WWC2: variants seen among roughly 807,000 people sequenced by gnomAD.
WWC2 encodes protein WWC2.
A neutral mutation model predicts 138.5 loss-of-function variants in WWC2; 101 were observed. The observed-to-expected ratio is 0.73, with a 90% confidence interval of 0.62 to 0.86. WWC2 has a LOEUF of 0.86. Ranked by LOEUF, WWC2 falls within the 40% of genes least tolerant of loss-of-function variation. WWC2 has a pLI of 0.00. For missense variants in WWC2, 1,420 were observed against 1,419.4 expected (o/e 1.00, Z -0.01); for synonymous variants, 558 against 538.4 (o/e 1.04, Z -0.50).
At chr4:183,236,746 G>A (rs1486508094) in intron 4 of WWC2, among the ~76,000 whole-genome samples, 1 of 152,112 alleles carries the variant, frequency 6.6e-6, no homozygotes, top group Non-Finnish European at 1.5e-5. Flanking sequence ...AGGATATTCT[G>A]GGTCTTTTTT....
intron 1 of WWC2, among the ~76,000 whole-genome samples, chr4:183,131,596 G>A (rs1732925720): frequency 6.6e-6 from 1 of 151,984 alleles, no homozygotes; most frequent in Non-Finnish European, 1.5e-5. Flanking sequence ...GCAAATCTTT[G>A]TTCTATGTGC....
chr4:183,239,031 C>G (rs989122000), intron 4 of WWC2, among the ~76,000 whole-genome samples: 1 of 152,136 alleles, frequency 6.6e-6, no homozygotes, highest in Non-Finnish European at 1.5e-5. Flanking sequence ...ACTTAAGGCT[C>G]TGGCTGGGCA....
chr4:183,116,196 G>A (rs1252110338), intron 1 of WWC2, among the ~76,000 whole-genome samples: 1 of 152,096 alleles, frequency 6.6e-6, no homozygotes, highest in Non-Finnish European at 1.5e-5. Flanking sequence ...CCATTGGTGT[G>A]TGTGTCTGTT....
intron 1 of WWC2, among the ~76,000 whole-genome samples, chr4:183,160,955 A>G (rs979816641): frequency 5.3e-5 from 8 of 152,184 alleles, no homozygotes; most frequent in African/African-American, 1.9e-4. Context: ...GGAGTTAAAG[A>G]TAGAGCAACT....
In WWC2 at chr4:183,261,344, A is replaced by G. The variant is rs1177054507; in HGVS notation, c.1721A>G (p.His574Arg). ...GGCACGTTTCCCATGTCTTCTTCTC[A>G]TGATGCCTCTCTCCATCAGTTCACT... ...LEGTFPMSSSHDASLHQFTAD... is the reference protein window; with the variant it reads ...LEGTFPMSSSRDASLHQFTAD... The change falls in exon 11 of 23, where the codon CAT becomes CGT. Residue 574 changes from histidine (H) to arginine (R), a missense_variant. By Grantham distance (29) the His-to-Arg change is conservative (BLOSUM62 0). Transcript: ENST00000403733. 1.9e-6 allele frequency: 3 copies of G among 1,613,220 alleles called. No individual in the cohort carries two copies. The highest frequency in any genetic ancestry group is 1.1e-5 in the South Asian group (1 of 90,812).
intron 1 of WWC2, among the ~76,000 whole-genome samples, chr4:183,180,914 C>T (rs980327301): frequency 6.6e-6 from 1 of 151,930 alleles, no homozygotes; most frequent in Non-Finnish European, 1.5e-5. Flanking sequence ...AGGTATGGCA[C>T]GAATGCATAA....
At chr4:183,156,623 C>T (rs559876193) in intron 1 of WWC2, among the ~76,000 whole-genome samples, 15 of 152,238 alleles carry the variant, frequency 9.9e-5, no homozygotes, top group African/African-American at 2.6e-4. Flanking sequence ...TGAGCCACCA[C>T]GCCCGGCACC....
At chr4:183,128,619 A>G (rs918661823) in intron 1 of WWC2, among the ~76,000 whole-genome samples, 1 of 152,082 alleles carries the variant, frequency 6.6e-6, no homozygotes, top group South Asian at 2.1e-4. Flanking sequence ...GTGTCTTCCA[A>G]CCCCTTAAAA....
chr4:183,174,163 A>C (rs950663129), intron 1 of WWC2, among the ~76,000 whole-genome samples: 1 of 152,180 alleles, frequency 6.6e-6, no homozygotes, highest in Non-Finnish European at 1.5e-5. Context: ...GTTTTTAATA[A>C]GGTACTCCTT....
chr4:183,249,460 G>A (rs1369761909), intron 7 of WWC2, among the ~76,000 whole-genome samples: 1 of 152,098 alleles, frequency 6.6e-6, no homozygotes, highest in African/African-American at 2.4e-5. Flanking sequence ...AGTAAAACAG[G>A]TAGAGATCAA....
intron 4 of WWC2, among the ~76,000 whole-genome samples, chr4:183,213,554 A>G (rs1735668553): frequency 6.6e-6 from 1 of 152,222 alleles, no homozygotes; most frequent in South Asian, 2.1e-4. Flanking sequence ...TAGGTCAAGT[A>G]TTTGGGAATC....
intron 21 of WWC2, among the ~76,000 whole-genome samples, chr4:183,307,184 C>A (rs1237866520): frequency 6.6e-6 from 1 of 152,198 alleles, no homozygotes; most frequent in Admixed American, 6.5e-5. Flanking sequence ...ACAAACGTAG[C>A]TGGAAAATTC....
chr4:183,256,088 A>G (rs1416831338), intron 9 of WWC2, among the ~76,000 whole-genome samples: 2 of 152,148 alleles, frequency 1.3e-5, no homozygotes, highest in African/African-American at 4.8e-5. Context: ...GAAGGGAAAC[A>G]TGTATTTTAT....
intron 14 of WWC2, among the ~76,000 whole-genome samples, chr4:183,266,376 T>C (rs1397617260): frequency 6.6e-6 from 1 of 152,204 alleles, no homozygotes; most frequent in Non-Finnish European, 1.5e-5. Context: ...TCATGCTACA[T>C]GTAAGAGTAT....
At chr4:183,276,046 A>G (rs929150309) in intron 16 of WWC2, among the ~76,000 whole-genome samples, 8 of 152,000 alleles carry the variant, frequency 5.3e-5, no homozygotes, top group Non-Finnish European at 1.0e-4. Flanking sequence ...GTTCAACTGA[A>G]CCTTTTATCA....
rs761056244 is a variant in WWC2 at position 183,245,448 on chromosome 4, G to T, written c.635G>T (p.Gly212Val). The change falls in exon 6 of 23, where the codon GGG (glycine) becomes GTG (valine). Residue 212 changes from glycine (G) to valine (V), a missense_variant. Gly to Val is a moderately radical substitution (Grantham distance 109). Coordinates refer to ENST00000403733, the MANE Select transcript of WWC2 (RefSeq NM_024949.6). ...AAAAAAATGTCTGGAGGCCAGAGCGGGTATGAACTCAGTGAAGCCAAAGCC... is the reference window on the plus strand; with the variant it reads ...AAAAAAATGTCTGGAGGCCAGAGCGTGTATGAACTCAGTGAAGCCAAAGCC... ...IDKKMSGGQSGYELSEAKAIL... is the reference protein window; with the variant it reads ...IDKKMSGGQSVYELSEAKAIL... The T allele has an allele frequency of 6.3e-7, 1 of 1,597,552 alleles. No homozygotes were observed. Among genetic ancestry groups the T allele is most frequent in the Non-Finnish European group, 8.5e-7 (1 of 1,174,252 alleles).
rs1304317514 is a variant in WWC2 at position 183,261,398 on chromosome 4, G to C, written c.1775G>C (p.Ser592Thr). The C allele has an allele frequency of 6.2e-7, 1 of 1,612,920 alleles. No homozygotes were observed. The highest frequency in any genetic ancestry group is 8.5e-7 in the Non-Finnish European group (1 of 1,179,516). ...TADFEDCELS[S>T]HFADISLIEN... Reference sequence around the variant, plus strand: ...GACTTTGAAGACTGTGAGTTGAGTAGCCATTTTGCAGATATCAGCCTCATC... The same window carrying C: ...GACTTTGAAGACTGTGAGTTGAGTACCCATTTTGCAGATATCAGCCTCATC... Residue 592 changes from serine (S) to threonine (T), a missense_variant, in exon 11 of 23, where the codon AGC becomes ACC. Coordinates refer to ENST00000403733, the MANE Select transcript of WWC2 (RefSeq NM_024949.6).
chr4:183,181,431 C>T (rs572105949), intron 1 of WWC2, among the ~76,000 whole-genome samples: 21 of 152,120 alleles, frequency 1.4e-4, no homozygotes, highest in Non-Finnish European at 2.6e-4. Flanking sequence ...TTGATATCTA[C>T]GGTAGATTGA....
At chr4:183,248,618 A>G (rs930056618) in intron 6 of WWC2, 96 bp from the exon 7 acceptor site, 1 of 1,294,048 alleles carries the variant, frequency 7.7e-7, no homozygotes, top group African/African-American at 1.5e-5. Context: ...GTTTTTTTCC[A>G]TTGAGATTAG....
Sources: gnomAD v4.1 joint callset for allele counts (sites outside exome capture counted in the v4.1 genomes callset) on GRCh38, gnomAD v4.1.1 for gene constraint, MANE v1.5 for transcripts, NCBI Gene and HGNC (gene_info 2026-07-23, HGNC 2026-07-21) for gene names.